FASTKD3: variants seen among roughly 807,000 people sequenced by gnomAD.
The protein encoded by FASTKD3 is FAST kinase domain-containing protein 3, mitochondrial.
A neutral mutation model predicts 49.7 loss-of-function variants in FASTKD3; 47 were observed. The observed-to-expected ratio is 0.95, with a 90% CI of 0.75 to 1.21. The LOEUF is 1.21. Ranked by LOEUF, FASTKD3 falls within the 50% of genes most tolerant of loss-of-function variation. FASTKD3 has a pLI of 0.00. For synonymous variants in FASTKD3, 284 were observed against 288.6 expected, an observed-to-expected ratio of 0.98 and a Z score of 0.16; for missense variants, 748 against 765.7, an observed-to-expected ratio of 0.98 and a Z score of 0.27.
Position 7,859,467 on chromosome 5 carries a change from A to C in FASTKD3, c.1957T>G (p.Ser653Ala). 5 of 1,608,978 alleles carry C rather than the reference A, an allele frequency of 3.1e-6. No homozygotes were observed. The highest frequency in any genetic ancestry group is 4.2e-6 in the Non-Finnish European group (5 of 1,177,352). Residue 653 changes from serine to alanine, a missense_variant, in exon 7 of 7, where the codon TCT (serine) becomes GCT (alanine). Physicochemically the swap from Ser to Ala is moderately conservative, Grantham distance 99. Transcript: ENST00000264669. ...TGCAACCAATGAACAGTGTTTTGAG[A>C]AAACAGTTTTCTTTGTAAATATTCC... ...LVEYLQRKLFSQNTVHWLQE is the reference protein window; with the variant it reads ...LVEYLQRKLFAQNTVHWLQE
intron 3 of FASTKD3, among the ~76,000 whole-genome samples, chr5:7,865,689 G>C (rs1746895960): frequency 6.6e-6 from 1 of 152,094 alleles, no homozygotes; most frequent in African/African-American, 2.4e-5. Context: ...AACCTCCTAA[G>C]AAATCTTAAA....
chr5:7,862,877 C>G lies in FASTKD3; in HGVS notation c.1645G>C (p.Gly549Arg), dbSNP rs753055577. 1 of 1,613,974 alleles carries G rather than the reference C, an allele frequency of 6.2e-7. No homozygotes were observed. Among genetic ancestry groups the G allele is most frequent in the Non-Finnish European group, 8.5e-7 (1 of 1,179,938 alleles). Reference sequence around the variant, plus strand: ...TTTGGAGCAAAATATAATCTTGCTCCTAAAAGGTTAGTCAGCCCAATCTTC... The same window carrying G: ...TTTGGAGCAAAATATAATCTTGCTCGTAAAAGGTTAGTCAGCCCAATCTTC... ...YVKIGLTNLL[G>R]ARLYFAPKVL... Residue 549 changes from glycine to arginine, a missense_variant, in exon 4 of 7, where the codon GGA becomes CGA. By Grantham distance (125) the Gly-to-Arg change is moderately radical. This residue lies in a region of FASTKD3 where 178 missense variants were observed against 182.2 expected (regional missense o/e 0.98). Transcript: ENST00000264669.
At position 7,866,739 on chromosome 5, in the gene FASTKD3, A is replaced by C; in HGVS notation, c.1345T>G (p.Leu449Val). The C allele has an allele frequency of 6.2e-7, 1 of 1,614,056 alleles. No homozygotes were observed. The highest frequency in any genetic ancestry group is 8.5e-7 in the Non-Finnish European group (1 of 1,179,998). Reference sequence around the variant, plus strand: ...AGTGAACATGAATGAAGAAGTTTCAATAATGATTTGGGTGGAAAATAATTG... The same window carrying C: ...AGTGAACATGAATGAAGAAGTTTCACTAATGATTTGGGTGGAAAATAATTG... Reference protein sequence around the residue: ...HFNYFPPKSLLKLLHSCSLNE... With the variant: ...HFNYFPPKSLVKLLHSCSLNE... Residue 449 changes from leucine (L) to valine (V), a missense_variant, in exon 2 of 7, where the codon TTG becomes GTG. Physicochemically the swap from Leu to Val is conservative, Grantham distance 32. This residue lies in a region of FASTKD3 where 564 missense variants were observed against 562.8 expected (regional missense o/e 1.00). Coordinates refer to ENST00000264669, the MANE Select transcript of FASTKD3 (RefSeq NM_024091.4).
chr5:7,867,712 G>A lies in FASTKD3; in HGVS notation c.372C>T (p.Thr124=). The A allele has an allele frequency of 3.1e-6, 5 of 1,614,128 alleles. No homozygotes were observed. The highest frequency in any genetic ancestry group is 4.2e-6 in the Non-Finnish European group (5 of 1,180,036). ...CTCCTGCTGCCATAGTGTCAGGCAG[G>A]GTTTCCATCGTGCTTATAAAACTTA... ...EVLSFISTME[T]LPDTMAAGAL... The change falls in exon 2 of 7, where the codon ACC becomes ACT. Residue 124 remains threonine (T), a synonymous_variant. Transcript: ENST00000264669.
At chr5:7,868,652 A>G (rs906764731) in intron 1 of FASTKD3, among the ~76,000 whole-genome samples, 2 of 152,202 alleles carry the variant, frequency 1.3e-5, no homozygotes, top group Non-Finnish European at 2.9e-5. Flanking sequence ...GTGTTGAAGG[A>G]AAGGGTCTAC....
Position 7,867,629 on chromosome 5 carries a change from T to A in FASTKD3, c.455A>T (p.Glu152Val). ...KKDGDQGLPK[E>V]ILENSIFQAL... ...TTGAAAGATGCTATTCTCCAGTATT[T>A]CTTTTGGCAGCCCTTGATCACCATC... Residue 152 changes from glutamate (E) to valine (V), a missense_variant, in exon 2 of 7, where the codon GAA (glutamate) becomes GTA (valine). Coordinates refer to ENST00000264669, the MANE Select transcript of FASTKD3 (RefSeq NM_024091.4). 6.2e-7 allele frequency: 1 copy of A among 1,614,230 alleles called. No homozygotes were observed. The highest frequency in any genetic ancestry group is 8.5e-7 in the Non-Finnish European group (1 of 1,180,034).
intron 6 of FASTKD3, 85 bp from the exon 7 acceptor site, chr5:7,859,624 C>T (rs1579524694): frequency 3.8e-6 from 3 of 783,900 alleles, no homozygotes; most frequent in Non-Finnish European, 6.1e-6. Flanking sequence ...TTGTTTCTTA[C>T]ACGCTTCCCC....
At position 7,868,165 on chromosome 5, in the gene FASTKD3, A is replaced by C; in HGVS notation, c.-82T>G. ...ATACATTGAGAACATGATTGACCCA[A>C]CATCAATGTTTATGAAACTACAAAC... On this transcript the variant is annotated 5_prime_UTR_variant, in exon 2 of 7. Transcript: ENST00000264669. 1.4e-6 allele frequency: 1 copy of C among 706,856 alleles called. No individual in the cohort carries two copies. The highest frequency in any genetic ancestry group is 2.2e-6 in the Non-Finnish European group (1 of 464,898). 43.8% of individuals were successfully genotyped at this position (706,856 alleles called of 1,614,324 possible).
Position 7,866,717 on chromosome 5 carries a change from G to T in FASTKD3, c.1367C>A (p.Ser456Ter). ...GTTGACTGGATGGCATTCATTAAGT[G>T]AACATGAATGAAGAAGTTTCAATAA... ...KSLLKLLHSC[S>*]LNECHPVNFL... Residue 456 changes from serine to a stop codon, truncating the protein, a stop_gained, in exon 2 of 7, where the codon TCA (serine) becomes TAA (stop). Coordinates refer to ENST00000264669, the MANE Select transcript of FASTKD3 (RefSeq NM_024091.4). LOFTEE classifies it high-confidence loss of function. 1 of 1,613,296 alleles carries T rather than the reference G, an allele frequency of 6.2e-7. No individual in the cohort carries two copies. The highest frequency in any genetic ancestry group is 1.1e-5 in the South Asian group (1 of 90,668).
At chr5:7,865,848 G>T in intron 3 of FASTKD3, 50 bp downstream of exon 3, 1 of 1,397,966 alleles carries the variant, frequency 7.2e-7, no homozygotes, top group Non-Finnish European at 1.0e-6. Context: ...GAACTTAAAA[G>T]GAAACTGCAC....
chr5:7,867,031 A>T lies in FASTKD3; in HGVS notation c.1053T>A (p.Phe351Leu). 1 of 1,614,176 alleles carries T rather than the reference A, an allele frequency of 6.2e-7. No individual in the cohort carries two copies. Among genetic ancestry groups the T allele is most frequent in the Non-Finnish European group, 8.5e-7 (1 of 1,180,032 alleles). The change falls in exon 2 of 7, where the codon TTT becomes TTA. Residue 351 changes from phenylalanine to leucine, a missense_variant. Phe to Leu is a conservative substitution (Grantham distance 22). Transcript: ENST00000264669. ...CTACACGATGCTCTAGGGCTTTTGT[A>T]AAAAATGTGTCATGGTGCCCAAAAT... ...FIYFGHHDTF[F>L]TKALEHRVAA...
In FASTKD3 at chr5:7,859,383, G is replaced by T; in HGVS notation, c.*52C>A. 2 of 1,127,530 alleles carry T rather than the reference G, an allele frequency of 1.8e-6. No homozygotes were observed. Among genetic ancestry groups the T allele is most frequent in the South Asian group, 1.5e-5 (1 of 68,434 alleles). 69.8% of individuals were successfully genotyped at this position (1,127,530 alleles called of 1,614,324 possible). On this transcript the variant is annotated 3_prime_UTR_variant, in exon 7 of 7. Transcript: ENST00000264669. Reference sequence around the variant, plus strand: ...CACATTATATTTTTCTTTTAATACTGAGTTCCATAAAAATGCAAGTTCTTC... The same window carrying T: ...CACATTATATTTTTCTTTTAATACTTAGTTCCATAAAAATGCAAGTTCTTC...
chr5:7,869,015 A>C lies in FASTKD3; in HGVS notation c.-150T>G. 8.1e-7 allele frequency: 1 copy of C among 1,228,882 alleles called. No individual in the cohort carries two copies. The highest frequency in any genetic ancestry group is 1.2e-6 in the Non-Finnish European group (1 of 837,826). The allele number at this position is 1,228,882 out of a possible 1,614,324, so 76.1% of individuals were successfully genotyped here. A position where few individuals can be genotyped will look rare whatever the true frequency, so the allele number is the denominator to read the frequency against. On this transcript the variant is annotated 5_prime_UTR_variant, in exon 1 of 7. Coordinates refer to ENST00000264669, the MANE Select transcript of FASTKD3 (RefSeq NM_024091.4). ...GGGCAATCACTCCGGGTGGTCGCGG[A>C]AGCGCCTGGGCGTCGTGGGCCTCCG...
intron 3 of FASTKD3, among the ~76,000 whole-genome samples, chr5:7,863,882 C>A (rs1190300991): frequency 6.6e-6 from 1 of 151,980 alleles, no homozygotes; most frequent in African/African-American, 2.4e-5. Context: ...CAGAGTTTCA[C>A]TCTTGTTGCC....
At position 7,867,977 on chromosome 5, in the gene FASTKD3, AC is replaced by A; in HGVS notation, c.106del (p.Val36Ter). 1 of 1,614,158 alleles carries A rather than the reference AC, an allele frequency of 6.2e-7. No homozygotes were observed. Among genetic ancestry groups the A allele is most frequent in the East Asian group, 2.2e-5 (1 of 44,888 alleles). On this transcript the variant is annotated frameshift_variant, in exon 2 of 7. Transcript: ENST00000264669. LOFTEE classifies it high-confidence loss of function. ...KNKPLNHVHK[V>X]VKERLCPWLC... Reference sequence around the variant, plus strand: ...CCAAGGGCACAGACGCTCCTTGACTACCTTGTGAACATGATTTAGAGGTTTA... The same window carrying A: ...CCAAGGGCACAGACGCTCCTTGACTACTTGTGAACATGATTTAGAGGTTTA...
intron 3 of FASTKD3, among the ~76,000 whole-genome samples, chr5:7,864,798 C>G (rs1195569363): frequency 6.9e-6 from 1 of 145,536 alleles, no homozygotes. Flanking sequence ...AATGTGACAT[C>G]TGTAACTATT....
Position 7,868,975 on chromosome 5 carries a change from C to G in FASTKD3, c.-114+4G>C. On this transcript the variant is annotated splice_donor_region_variant and intron_variant, in intron 1 of 6. Transcript: ENST00000264669. ...CTGCGCGGAGACCCCGCGTTGACAC[C>G]TACCGCGCTCTGCCGGGCAATCACT... 1 of 832,078 alleles carries G rather than the reference C, an allele frequency of 1.2e-6. No individual in the cohort carries two copies. The highest frequency in any genetic ancestry group is 2.0e-6 in the Non-Finnish European group (1 of 489,554). The allele number at this position is 832,078 out of a possible 1,614,324, so 51.5% of individuals were successfully genotyped here.
intron 4 of FASTKD3, 22 bp downstream of exon 4, chr5:7,862,801 C>T (rs756633793): frequency 1.9e-6 from 3 of 1,592,280 alleles, no homozygotes; most frequent in African/African-American, 2.7e-5. Context: ...TTTAAAACAA[C>T]AAAACTCCTT....
Position 7,859,472 on chromosome 5 carries a change from A to G in FASTKD3, c.1952T>C (p.Leu651Pro), listed in dbSNP as rs749644018. Residue 651 changes from leucine (L) to proline (P), a missense_variant, in exon 7 of 7, where the codon CTG becomes CCG. This residue lies in a region of FASTKD3 where 178 missense variants were observed against 182.2 expected (regional missense o/e 0.98). Coordinates refer to ENST00000264669, the MANE Select transcript of FASTKD3 (RefSeq NM_024091.4). ...RELVEYLQRK[L>P]FSQNTVHWLQ... ...CCAATGAACAGTGTTTTGAGAAAAC[A>G]GTTTTCTTTGTAAATATTCCACCAA... The G allele has an allele frequency of 1.9e-6, 3 of 1,607,660 alleles. 1 individual carries two copies. Among genetic ancestry groups the G allele is most frequent in the Non-Finnish European group, 2.5e-6 (3 of 1,176,824 alleles).
Sources: gnomAD v4.1 joint callset for allele counts (sites outside exome capture counted in the v4.1 genomes callset) on GRCh38, gnomAD v4.1.1 for gene constraint, gnomAD v4.1.1 regional missense constraint, MANE v1.5 for transcripts, NCBI Gene and HGNC (gene_info 2026-07-23, HGNC 2026-07-21) for gene names.